The following ADAMTS9 variants were observed in gnomAD, a reference collection of about 807,000 sequenced individuals.
The protein encoded by ADAMTS9 is A disintegrin and metalloproteinase with thrombospondin motifs 9.
Under a neutral mutation model 257.1 loss-of-function variants are expected in ADAMTS9, and 107 were observed. That is an observed-to-expected ratio of 0.42 (90% CI 0.36 to 0.49). The LOEUF (loss-of-function observed/expected upper bound fraction) is 0.49, where lower values mean the gene tolerates loss of function less well. Among genes scored for constraint, ADAMTS9 ranks in the 20% least tolerant of loss-of-function variants. The pLI is 0.03. For synonymous variants in ADAMTS9, 982 were observed against 880.9 expected (o/e 1.11, Z -2.03); for missense variants, 2,353 against 2,469.1 (o/e 0.95, Z 1.00).
At chr3:64,543,308 C>A (rs754106574) in intron 32 of ADAMTS9, among the ~76,000 whole-genome samples, 13 of 152,162 alleles carry the variant, frequency 8.5e-5, no homozygotes, top group Non-Finnish European at 1.3e-4. Flanking sequence ...GGCAGAGACA[C>A]AACAAAAAAA....
chr3:64,582,544 G>A (rs1479748434), intron 28 of ADAMTS9: 2 of 152,190 alleles, frequency 1.3e-5, no homozygotes, highest in South Asian at 4.1e-4. Flanking sequence ...ATTCTGCTGT[G>A]AGAAATTCAT....
At chr3:64,580,496 T>C (rs2083971412) in intron 28 of ADAMTS9, among the ~76,000 whole-genome samples, 1 of 152,160 alleles carries the variant, frequency 6.6e-6, no homozygotes, top group Admixed American at 6.5e-5. Flanking sequence ...GATCAGGCCG[T>C]GTCCAGAAAG....
chr3:64,589,470 T>A (rs569510642), intron 28 of ADAMTS9: 1 of 152,330 alleles, frequency 6.6e-6, no homozygotes, highest in South Asian at 2.1e-4. Context: ...TATCGGCTAG[T>A]CAAATGGGTT....
At chr3:64,635,374 AGGCTT>A (rs1202675149) in intron 12 of ADAMTS9, among the ~76,000 whole-genome samples, 2 of 152,210 alleles carry the variant, frequency 1.3e-5, no homozygotes, top group African/African-American at 4.8e-5. Context: ...TGTACTTAAA[AGGCTT>A]GTTGTGACTC....
rs1701962366 is a variant in ADAMTS9 at position 64,687,869 on chromosome 3, C to T, written c.-212G>A. On this transcript the variant is annotated 5_prime_UTR_variant, in exon 1 of 40. Transcript: ENST00000498707. The surrounding 1 kb of genome is among the most constrained non-coding windows in gnomAD (Gnocchi z 4.4). ...GCCGCCTGCCGAGAGCTGAGCCGCT[C>T]GGGCCGCAGGAGGAGCCGGAGGAGC... is the stretch of plus-strand genomic sequence containing the variant. 2.3e-6 allele frequency: 1 copy of T among 426,814 alleles called. No homozygotes were observed. The highest frequency in any genetic ancestry group is 4.2e-6 in the Non-Finnish European group (1 of 236,128). The allele number at this position is 426,814 out of a possible 1,614,324, so 26.4% of individuals were successfully genotyped here.
rs200443127 is a variant in ADAMTS9, at chr3:64,550,975, C to A, written c.4786G>T (p.Asp1596Tyr). Residue 1596 changes from aspartate to tyrosine, a missense_variant, in exon 31 of 40, where the codon GAC becomes TAC. Around this residue, in one of 3 missense-constraint regions of ADAMTS9, gnomAD observed 1,402 missense variants for 1,441.4 expected, o/e 0.97. Coordinates refer to ENST00000498707, the MANE Select transcript of ADAMTS9 (RefSeq NM_182920.2). Reference protein sequence around the residue: ...NKNEVHGARCDVSKRPVDRES... With the variant: ...NKNEVHGARCYVSKRPVDRES... ...CGGTCCACCGGCCGCTTGCTCACGT[C>A]ACAGCGTGCCCCATGCACCTCGTTT... 8.4e-5 allele frequency: 135 copies of A among 1,614,218 alleles called. No homozygotes were observed. In the East Asian group the frequency reaches 3.0e-3, roughly 36 times the overall value.
intron 28 of ADAMTS9, among the ~76,000 whole-genome samples, chr3:64,573,018 C>A (rs2083733262): frequency 7.0e-6 from 1 of 143,464 alleles, no homozygotes; most frequent in Non-Finnish European, 1.5e-5. Context: ...GTGGAGGTTG[C>A]AGTGAGTCAA....
At position 64,523,703 on chromosome 3, in the gene ADAMTS9, T is replaced by C. The variant is rs192940341; in HGVS notation, c.5719-1443A>G. On this transcript the variant is annotated intron_variant, in intron 38 of 39. Transcript: ENST00000498707. Reference sequence around the variant, plus strand: ...GCTATAGAACTAGTAGTATCAATAGTGGACTTTATTTTCTACCACGGACTT... The same window carrying C: ...GCTATAGAACTAGTAGTATCAATAGCGGACTTTATTTTCTACCACGGACTT... Among the ~76,000 whole-genome samples the C allele has an allele frequency of 3.9e-5, 6 of 152,320 alleles. No homozygotes were observed. In the East Asian group the frequency reaches 1.2e-3, roughly 29 times the overall value.
At chr3:64,545,446 A>T (rs2106920082) in intron 32 of ADAMTS9, among the ~76,000 whole-genome samples, 1 of 152,344 alleles carries the variant, frequency 6.6e-6, no homozygotes, top group Middle Eastern at 3.4e-3. Flanking sequence ...GGATGAGTTC[A>T]TGTCCTTTGT....
At chr3:64,583,179 T>C (rs946811068) in intron 28 of ADAMTS9, 2 of 152,202 alleles carry the variant, frequency 1.3e-5, no homozygotes, top group Non-Finnish European at 2.9e-5. Context: ...TGTTGGTCAG[T>C]TGGGCACATC....
chr3:64,608,103 A>C (rs2084590828), intron 22 of ADAMTS9, among the ~76,000 whole-genome samples: 1 of 151,936 alleles, frequency 6.6e-6, no homozygotes, highest in Admixed American at 6.6e-5. Flanking sequence ...AGAATATAAG[A>C]AAATTTGTGA....
At chr3:64,626,758 C>T (rs760427418) in intron 16 of ADAMTS9, among the ~76,000 whole-genome samples, 9 of 152,276 alleles carry the variant, frequency 5.9e-5, no homozygotes, top group Non-Finnish European at 1.0e-4. Context: ...GGTGCTCAAT[C>T]GATGATGCTG....
rs371849436 is a variant in ADAMTS9, at chr3:64,540,063, C to G, written c.5522-769G>C. 5.0e-4 allele frequency among the ~76,000 whole-genome samples: 76 copies of G among 152,300 alleles called. 1 individual carries two copies. The South Asian group carries it at 0.015, about 31-fold the overall frequency. ...TTCAGGAATGGCCTTAATCTTCCTA[C>G]AGTTCACTACACTTTGGTGAGAGGG... On this transcript the variant is annotated intron_variant, in intron 36 of 39. Coordinates refer to ENST00000498707, the MANE Select transcript of ADAMTS9 (RefSeq NM_182920.2).
chr3:64,564,749 A>C (rs1054788995), intron 29 of ADAMTS9, among the ~76,000 whole-genome samples: 2 of 151,804 alleles, frequency 1.3e-5, no homozygotes, highest in Non-Finnish European at 2.9e-5. Flanking sequence ...CAAATGTCCC[A>C]TGGGGTACAA....
At position 64,687,930 on chromosome 3, in the gene ADAMTS9, C is replaced by A. The variant is rs1701965133; in HGVS notation, c.-273G>T. 6.7e-6 allele frequency: 2 copies of A among 299,920 alleles called. No individual in the cohort carries two copies. The highest frequency in any genetic ancestry group is 1.2e-5 in the Non-Finnish European group (2 of 162,738). The allele number at this position is 299,920 out of a possible 1,614,324, so 18.6% of individuals were successfully genotyped here. A position where few individuals can be genotyped will look rare whatever the true frequency, so the allele number is the denominator to read the frequency against. The stretch of plus-strand genomic sequence containing the variant: ...GGAGGACTGGGGCTCGGCTGCTTGG[C>A]CGCATAATGCCCAGCGAGCGGGCAG... On this transcript the variant is annotated 5_prime_UTR_variant, in exon 1 of 40. Transcript: ENST00000498707. This position sits in a 1 kb window ranked among gnomAD's most constrained non-coding sequence, Gnocchi z 4.4.
At chr3:64,639,072 CTCT>C (rs752266765) in intron 12 of ADAMTS9, among the ~76,000 whole-genome samples, 21 of 152,016 alleles carry the variant, frequency 1.4e-4, no homozygotes, top group Non-Finnish European at 1.2e-4. Context: ...GAACCATCTG[CTCT>C]GTGAATTTCT....
At chr3:64,628,516 A>C (rs1254531123) in intron 16 of ADAMTS9, among the ~76,000 whole-genome samples, 2 of 152,240 alleles carry the variant, frequency 1.3e-5, no homozygotes, top group African/African-American at 4.8e-5. Flanking sequence ...GCTCAAATTT[A>C]TAACCAAGTG....
At chr3:64,553,207 C>G (rs568540514) in intron 30 of ADAMTS9, among the ~76,000 whole-genome samples, 1 of 152,150 alleles carries the variant, frequency 6.6e-6, no homozygotes, top group Non-Finnish European at 1.5e-5. Context: ...CAGTCCCTCC[C>G]CATTCCTTCC....
At chr3:64,626,383 A>C (rs771867988) in intron 16 of ADAMTS9, among the ~76,000 whole-genome samples, 1 of 152,212 alleles carries the variant, frequency 6.6e-6, no homozygotes, top group African/African-American at 2.4e-5. Flanking sequence ...GAGTTCATGC[A>C]TTCGTTCTCT....
Sources: gnomAD v4.1 joint callset for allele counts (sites outside exome capture counted in the v4.1 genomes callset) on GRCh38, gnomAD v4.1.1 for gene constraint, gnomAD v4.1.1 regional missense constraint, Gnocchi (gnomAD v3.1) non-coding constraint, MANE v1.5 for transcripts, NCBI Gene and HGNC (gene_info 2026-07-23, HGNC 2026-07-21) for gene names.